Variants in UGP2 observed in about 807,000 individuals in gnomAD.
UGP2 encodes the protein UDP-glucose pyrophosphorylase 2.
A neutral mutation model predicts 49.0 loss-of-function variants in UGP2; 40 were observed. The observed-to-expected ratio is 0.82, with a 90% CI of 0.63 to 1.06. The LOEUF (loss-of-function observed/expected upper bound fraction) is 1.06. Ranked by LOEUF, UGP2 falls within the 50% of genes least tolerant of loss-of-function variation. The pLI is 0.00. For synonymous variants in UGP2, 225 were observed against 213.0 expected (o/e 1.06, Z -0.49); for missense variants, 460 against 603.5 (o/e 0.76, Z 2.49).
intron 3 of UGP2, among the ~76,000 whole-genome samples, chr2:63,881,968 A>G (rs1384625712): frequency 6.6e-6 from 1 of 152,240 alleles, no homozygotes; most frequent in Non-Finnish European, 1.5e-5. Flanking sequence ...GACTGCATAG[A>G]GGAGAATGGC....
intron 1 of UGP2, among the ~76,000 whole-genome samples, chr2:63,846,992 TG>T (rs1461136768): frequency 6.6e-6 from 1 of 152,238 alleles, no homozygotes; most frequent in Non-Finnish European, 1.5e-5. Flanking sequence ...AGAGTTGAGC[TG>T]ATGAAAAGTG....
intron 3 of UGP2, among the ~76,000 whole-genome samples, chr2:63,879,916 A>G (rs1046776258): frequency 2.6e-5 from 4 of 152,204 alleles, no homozygotes; most frequent in African/African-American, 7.2e-5. Flanking sequence ...AAATGAATGC[A>G]TGAACTAGGA....
chr2:63,867,902 A>C (rs906592889), intron 3 of UGP2, among the ~76,000 whole-genome samples: 1 of 152,206 alleles, frequency 6.6e-6, no homozygotes, highest in Non-Finnish European at 1.5e-5. Flanking sequence ...ACTTTAGCTA[A>C]TTCTTTAAAC....
chr2:63,858,613 G>A (rs1575815588), intron 3 of UGP2, among the ~76,000 whole-genome samples: 1 of 151,628 alleles, frequency 6.6e-6, no homozygotes, highest in Non-Finnish European at 1.5e-5. Flanking sequence ...AATTCCTCTT[G>A]GCTGTAATGC....
Position 63,858,095 on chromosome 2 carries a change from G to A in UGP2, c.255+159G>A, listed in dbSNP as rs1669575097. On this transcript the variant is annotated intron_variant, in intron 3 of 9. Transcript: ENST00000337130. Reference sequence around the variant, plus strand: ...CCCTCATCCTGAAACTATGGAGACAGCCTTCAGCTCCTTTCCCTTCTTTTA... The same window carrying A: ...CCCTCATCCTGAAACTATGGAGACAACCTTCAGCTCCTTTCCCTTCTTTTA... 9 of 634,886 alleles carry A rather than the reference G, an allele frequency of 1.4e-5. No homozygotes were observed. The South Asian group carries it at 1.6e-4, about 11-fold the overall frequency. 39.3% of individuals were successfully genotyped at this position (634,886 alleles called of 1,614,324 possible).
intron 2 of UGP2, chr2:63,856,713 G>A (rs937199246): frequency 1.8e-5 from 9 of 493,984 alleles, no homozygotes; most frequent in Non-Finnish European, 3.5e-5. Context: ...GATGTCATTG[G>A]GTGGAGAAAT....
intron 3 of UGP2, among the ~76,000 whole-genome samples, chr2:63,870,138 G>A (rs891476866): frequency 6.6e-6 from 1 of 152,034 alleles, no homozygotes; most frequent in Non-Finnish European, 1.5e-5. Flanking sequence ...TAGCCAGGAT[G>A]ATCTCGATAT....
At chr2:63,870,589 C>T (rs1670482613) in intron 3 of UGP2, among the ~76,000 whole-genome samples, 2 of 152,130 alleles carry the variant, frequency 1.3e-5, no homozygotes, top group South Asian at 4.1e-4. Flanking sequence ...GTGATCAAAC[C>T]ACTTTTATTT....
At chr2:63,868,609 TTTC>T (rs1361885061) in intron 3 of UGP2, among the ~76,000 whole-genome samples, 1 of 152,196 alleles carries the variant, frequency 6.6e-6, no homozygotes, top group African/African-American at 2.4e-5. Context: ...GAAATGGTGT[TTTC>T]TTCAGAGGAT....
At chr2:63,883,871 T>G in intron 4 of UGP2, 89 bp from the exon 5 acceptor site, 1 of 1,474,156 alleles carries the variant, frequency 6.8e-7, no homozygotes, top group Non-Finnish European at 9.1e-7. Context: ...TTTTAGATAT[T>G]TTATGATTTA....
chr2:63,855,186 G>A (rs1669306542), intron 1 of UGP2, among the ~76,000 whole-genome samples: 2 of 152,130 alleles, frequency 1.3e-5, no homozygotes, highest in Admixed American at 1.3e-4. Context: ...CTGTATAAAT[G>A]TCTTTTATTC....
chr2:63,890,216 T>TA (rs754866425), intron 9 of UGP2, 31 bp downstream of exon 9: 1 of 1,512,906 alleles, frequency 6.6e-7, no homozygotes, highest in South Asian at 1.2e-5. Context: ...TTATATTTCT[T>TA]ACAGCTTACA....
intron 3 of UGP2, among the ~76,000 whole-genome samples, chr2:63,865,388 A>C (rs975241990): frequency 3.9e-5 from 6 of 152,214 alleles, no homozygotes; most frequent in Non-Finnish European, 8.8e-5. Flanking sequence ...CTTTTGGTTT[A>C]GTGAGGAGAT....
At chr2:63,890,377 TTGAG>T (rs895256338) in intron 9 of UGP2, among the ~76,000 whole-genome samples, 192 bp downstream of exon 9, 20 of 152,154 alleles carry the variant, frequency 1.3e-4, no homozygotes, top group Non-Finnish European at 1.9e-4. Context: ...CTAAAGATGA[TTGAG>T]TAAAAGCAGA....
At chr2:63,891,028 A>AG in intron 9 of UGP2, 92 bp from the exon 10 acceptor site, 1 of 1,094,614 alleles carries the variant, frequency 9.1e-7, no homozygotes, top group Non-Finnish European at 1.3e-6. Flanking sequence ...TCACTGTAAA[A>AG]AAAAAAAAGT....
intron 1 of UGP2, among the ~76,000 whole-genome samples, chr2:63,843,679 T>C (rs1004390786): frequency 2.0e-5 from 3 of 152,262 alleles, no homozygotes; most frequent in African/African-American, 7.2e-5. Context: ...ATGTTTGTCA[T>C]TACTTTGTCA....
chr2:63,877,999 CAAAAAAAAAAA>C (rs61669991), intron 3 of UGP2, among the ~76,000 whole-genome samples: 4 of 67,886 alleles, frequency 5.9e-5, no homozygotes, highest in African/African-American at 1.8e-4. Context: ...GACTCCGTCT[CAAAAAAAAAAA>C]AAAAAAAAAA....
intron 1 of UGP2, chr2:63,855,716 A>G (rs1467212508): frequency 4.7e-6 from 2 of 422,440 alleles, no homozygotes; most frequent in South Asian, 1.7e-5. Flanking sequence ...TAATTTTTGT[A>G]TTTTTTGTAG....
In UGP2 at chr2:63,886,946, A is replaced by G. The variant is rs927302187; in HGVS notation, c.1071+408A>G. On this transcript the variant is annotated intron_variant, in intron 7 of 9. Coordinates refer to ENST00000337130, the MANE Select transcript of UGP2 (RefSeq NM_006759.4). ...GATTACATGTTTAAGAGTTTGGCAT[A>G]TGATAGGTGCTTGATAAATGTCAGT... Among the ~76,000 whole-genome samples, 61 of 152,222 alleles carry G rather than the reference A, an allele frequency of 4.0e-4. 1 individual carries two copies. Among genetic ancestry groups the G allele is most frequent in the Admixed American group, 2.6e-3 (40 of 15,282 alleles).
Sources: gnomAD v4.1 joint callset for allele counts (sites outside exome capture counted in the v4.1 genomes callset) on GRCh38, gnomAD v4.1.1 for gene constraint, MANE v1.5 for transcripts, NCBI Gene and HGNC (gene_info 2026-07-23, HGNC 2026-07-21) for gene names.